PSD3: variants seen among roughly 807,000 people sequenced by gnomAD.
PSD3 encodes the protein PH and SEC7 domain-containing protein 3.
A neutral mutation model predicts 105.5 loss-of-function variants in PSD3; 49 were observed. The observed-to-expected ratio is 0.46, with a 90% CI of 0.37 to 0.59. The LOEUF (loss-of-function observed/expected upper bound fraction) is 0.59, where lower values mean the gene tolerates loss of function less well. PSD3 is among the 20% of genes least tolerant of loss of function. The pLI is 0.00. For missense variants in PSD3, 1,561 were observed against 1,263.8 expected (o/e 1.24, Z -3.57); for synonymous variants, 557 against 457.8 (o/e 1.22, Z -2.77).
intron 1 of PSD3, among the ~76,000 whole-genome samples, chr8:19,030,969 C>G (rs2129476213): frequency 6.6e-6 from 1 of 152,288 alleles, no homozygotes; most frequent in African/African-American, 2.4e-5. Context: ...GTGTGTTTCT[C>G]AAACCATCTC....
intron 11 of PSD3, among the ~76,000 whole-genome samples, chr8:18,609,207 G>A (rs537478291): frequency 5.9e-5 from 9 of 152,142 alleles, no homozygotes; most frequent in Non-Finnish European, 8.8e-5. Context: ...GAGAGAATTA[G>A]CCATATACAC....
intron 1 of PSD3, among the ~76,000 whole-genome samples, chr8:19,000,407 AAGAG>A (rs1455884807): frequency 2.7e-5 from 4 of 149,980 alleles, no homozygotes; most frequent in African/African-American, 7.4e-5. Flanking sequence ...AAAAAAAAAA[AAGAG>A]AGAGAAAAAA....
At chr8:18,799,892 A>G (rs768979765) in intron 7 of PSD3, among the ~76,000 whole-genome samples, 1 of 152,190 alleles carries the variant, frequency 6.6e-6, no homozygotes, top group Non-Finnish European at 1.5e-5. Flanking sequence ...GCAGTTTCAG[A>G]TGCAGTAAAA....
chr8:18,616,622 TC>T (rs200647175), intron 11 of PSD3, among the ~76,000 whole-genome samples: 732 of 58,662 alleles, frequency 0.012, 31 homozygotes, highest in African/African-American at 0.036. Context: ...TCCTCTCTTT[TC>T]TTTTCTTTTT....
intron 11 of PSD3, among the ~76,000 whole-genome samples, chr8:18,618,892 C>A (rs2130699854): frequency 6.6e-6 from 1 of 152,088 alleles, no homozygotes; most frequent in African/African-American, 2.4e-5. Flanking sequence ...TAATATGTTG[C>A]TCAGGCTGTG....
rs1818814067 is a variant in PSD3, at chr8:18,892,002, A to ATTCTT, written c.131-19270_131-19269insAAGAA. Among the ~76,000 whole-genome samples, 4 of 152,338 alleles carry ATTCTT rather than the reference A, an allele frequency of 2.6e-5. No individual in the cohort carries two copies. In the East Asian group the frequency reaches 7.7e-4, roughly 29 times the overall value. On this transcript the variant is annotated intron_variant, in intron 2 of 15. Transcript: ENST00000327040. ...ACACACAGTTAAAAGAATAAGAAGC[A>ATTCTT]ACCCTCAGACCAAAGTTTACAAAAG...
intron 8 of PSD3, among the ~76,000 whole-genome samples, chr8:18,768,212 G>T (rs1010239410): frequency 6.6e-6 from 1 of 151,732 alleles, no homozygotes; most frequent in Non-Finnish European, 1.5e-5. Flanking sequence ...CTTGAACCCG[G>T]GAGGTGGAGG....
At chr8:18,774,634 T>G in intron 8 of PSD3, 3 of 383,286 alleles carry the variant, frequency 7.8e-6, no homozygotes, top group South Asian at 6.3e-5. Flanking sequence ...CTATGCTTGT[T>G]CAGCCAGTGG....
intron 10 of PSD3, among the ~76,000 whole-genome samples, chr8:18,644,902 G>C (rs867081220): frequency 1.3e-5 from 2 of 152,320 alleles, no homozygotes; most frequent in South Asian, 4.1e-4. Flanking sequence ...GAAGTTCAAA[G>C]TCAAGTAAGG....
chr8:18,884,613 G>C (rs1818334999), intron 2 of PSD3, among the ~76,000 whole-genome samples: 1 of 147,902 alleles, frequency 6.8e-6, no homozygotes, highest in African/African-American at 2.6e-5. Flanking sequence ...AGTTGTTTAT[G>C]TGTTAGGAAA....
At chr8:18,733,870 T>A (rs1303971854) in intron 9 of PSD3, 3 of 152,414 alleles carry the variant, frequency 2.0e-5, no homozygotes, top group Non-Finnish European at 4.4e-5. Context: ...CAAGTCCAAT[T>A]ATGGGAAAAT....
chr8:19,044,801 G>T (rs1205314931), intron 1 of PSD3, among the ~76,000 whole-genome samples: 2 of 143,580 alleles, frequency 1.4e-5, no homozygotes, highest in Admixed American at 1.3e-4. Context: ...GGATGAATAG[G>T]AGTTTGGTGG....
At chr8:18,641,719 G>A (rs1371123227) in intron 10 of PSD3, among the ~76,000 whole-genome samples, 1 of 152,164 alleles carries the variant, frequency 6.6e-6, no homozygotes, top group Non-Finnish European at 1.5e-5. Flanking sequence ...AAAGGTGGTG[G>A]TTGAATGCAG....
intron 2 of PSD3, among the ~76,000 whole-genome samples, chr8:18,919,579 G>T (rs1342642873): frequency 6.6e-6 from 1 of 151,906 alleles, no homozygotes; most frequent in Non-Finnish European, 1.5e-5. Flanking sequence ...GCAAGGTGGG[G>T]CGGGGCAGGA....
At chr8:18,844,562 G>C (rs1814922324) in intron 4 of PSD3, among the ~76,000 whole-genome samples, 1 of 151,764 alleles carries the variant, frequency 6.6e-6, no homozygotes, top group African/African-American at 2.4e-5. Flanking sequence ...CATTAAGATT[G>C]AATCACTTCT....
At chr8:18,839,650 T>C in intron 4 of PSD3, among the ~76,000 whole-genome samples, 1 of 152,158 alleles carries the variant, frequency 6.6e-6, no homozygotes, top group East Asian at 1.9e-4. Flanking sequence ...CAGAAGGTTT[T>C]GCAGCTCCAG....
chr8:18,648,368 T>C (rs533268957), intron 10 of PSD3, among the ~76,000 whole-genome samples: 2 of 152,082 alleles, frequency 1.3e-5, no homozygotes, highest in South Asian at 4.2e-4. Flanking sequence ...GTTATGTTTG[T>C]TATGCGGAAG....
At chr8:19,057,260 C>G (rs1437368249) in intron 1 of PSD3, among the ~76,000 whole-genome samples, 1 of 152,142 alleles carries the variant, frequency 6.6e-6, no homozygotes, top group Non-Finnish European at 1.5e-5. Flanking sequence ...CATAACCACT[C>G]TCGTTCACTC....
intron 4 of PSD3, among the ~76,000 whole-genome samples, chr8:18,837,943 T>C (rs557179328): frequency 6.6e-6 from 1 of 152,284 alleles, no homozygotes; most frequent in South Asian, 2.1e-4. Flanking sequence ...ATCAGGCAGA[T>C]GGCTAGTAGG....
Sources: gnomAD v4.1 joint callset for allele counts (sites outside exome capture counted in the v4.1 genomes callset) on GRCh38, gnomAD v4.1.1 for gene constraint, MANE v1.5 for transcripts, NCBI Gene and HGNC (gene_info 2026-07-23, HGNC 2026-07-21) for gene names.